Variants in NRCAM observed in about 807,000 individuals in gnomAD.
NRCAM encodes the protein NgCAM-related cell adhesion molecule.
In NRCAM, 83 loss-of-function variants were observed where a neutral mutation model predicts 156.5. That is an observed-to-expected ratio of 0.53 (90% confidence interval 0.44 to 0.64). The LOEUF is 0.64. Among genes scored for constraint, NRCAM ranks in the 30% least tolerant of loss-of-function variants. NRCAM has a pLI of 0.00. For synonymous variants in NRCAM, 538 were observed against 563.9 expected (o/e 0.95, Z 0.65); for missense variants, 1,417 against 1,597.3 (o/e 0.89, Z 1.92).
intron 28 of NRCAM, among the ~76,000 whole-genome samples, chr7:108,168,961 A>G (rs539213942): frequency 5.4e-4 from 83 of 152,332 alleles, no homozygotes; most frequent in African/African-American, 1.3e-3. Context: ...GACCCCAGGT[A>G]AGAAATCCCT....
intron 30 of NRCAM, among the ~76,000 whole-genome samples, chr7:108,162,733 C>A (rs1256102365): frequency 6.6e-6 from 1 of 152,216 alleles, no homozygotes; most frequent in African/African-American, 2.4e-5. Context: ...GAATATTTCA[C>A]TGCCCTATTA....
intron 11 of NRCAM, among the ~76,000 whole-genome samples, chr7:108,211,885 C>T (rs1307509727): frequency 1.3e-5 from 2 of 152,202 alleles, no homozygotes; most frequent in East Asian, 1.9e-4. Flanking sequence ...CCACCAGTTC[C>T]TCTCCATACT....
chr7:108,210,918 A>G (rs927218274), intron 11 of NRCAM, among the ~76,000 whole-genome samples: 21 of 152,320 alleles, frequency 1.4e-4, no homozygotes, highest in African/African-American at 5.1e-4. Context: ...CCCAGAAGGG[A>G]TCATCATGGC....
chr7:108,306,386 C>T (rs907237689), intron 3 of NRCAM, among the ~76,000 whole-genome samples: 2 of 152,126 alleles, frequency 1.3e-5, no homozygotes, highest in South Asian at 2.1e-4. Context: ...CTGAATAGCA[C>T]GGATGGTTTC....
At chr7:108,279,176 A>G (rs116592140) in intron 3 of NRCAM, among the ~76,000 whole-genome samples, 7,203 of 152,298 alleles carry the variant, frequency 0.047, 213 homozygotes, top group South Asian at 0.12. Flanking sequence ...TAAGTGTAGC[A>G]TGACTAAAAT....
In NRCAM at chr7:108,191,850, G is replaced by C. The variant is rs753141026; in HGVS notation, c.1782C>G (p.Phe594Leu). The C allele has an allele frequency of 5.0e-6, 8 of 1,613,320 alleles. No homozygotes were observed. The South Asian group carries it at 8.8e-5, about 18-fold the overall frequency. ...CCACTAGATGATCCTTGTCAACAGT[G>C]AACCTGTGGATAGAATGCATTCAGA... Reference protein sequence around the residue: ...DNRELPSDERFTVDKDHLVVA... With the variant: ...DNRELPSDERLTVDKDHLVVA... The change falls in exon 18 of 33, where the codon TTC becomes TTG. Residue 594 changes from phenylalanine to leucine, a missense_variant. This residue lies in a region of NRCAM where 1,238 missense variants were observed against 1,336.4 expected (regional missense o/e 0.93). Coordinates refer to ENST00000379028, the MANE Select transcript of NRCAM (RefSeq NM_001037132.4).
chr7:108,320,677 G>C (rs1464444686), intron 2 of NRCAM, among the ~76,000 whole-genome samples: 4 of 152,134 alleles, frequency 2.6e-5, no homozygotes. Context: ...AAGTGACAAA[G>C]GAAACTTAAC....
chr7:108,292,505 T>TAA (rs1364388938), intron 3 of NRCAM, among the ~76,000 whole-genome samples: 43 of 152,238 alleles, frequency 2.8e-4, no homozygotes, highest in Non-Finnish European at 5.4e-4. Flanking sequence ...AAGTTTGTGT[T>TAA]GTTAAATATG....
At chr7:108,392,024 A>C (rs978114164) in intron 2 of NRCAM, among the ~76,000 whole-genome samples, 11 of 151,968 alleles carry the variant, frequency 7.2e-5, no homozygotes, top group Non-Finnish European at 1.0e-4. Flanking sequence ...CTTCATTTCA[A>C]CTTTGGTGAA....
chr7:108,413,828 C>T (rs1031826272), intron 1 of NRCAM, among the ~76,000 whole-genome samples: 1 of 152,244 alleles, frequency 6.6e-6, no homozygotes, highest in African/African-American at 2.4e-5. Flanking sequence ...CCTCTCCACA[C>T]TGTTCCTCTG....
chr7:108,404,820 C>T (rs761884270), intron 1 of NRCAM, among the ~76,000 whole-genome samples: 2 of 152,242 alleles, frequency 1.3e-5, no homozygotes, highest in Non-Finnish European at 2.9e-5. Context: ...CCCTGCCACC[C>T]GAATGTGGAG....
At chr7:108,218,947 T>C (rs768464514) in intron 11 of NRCAM, among the ~76,000 whole-genome samples, 6 of 152,066 alleles carry the variant, frequency 3.9e-5, no homozygotes, top group Non-Finnish European at 7.4e-5. Flanking sequence ...ATAAATACAA[T>C]TGATAGACCA....
At chr7:108,237,916 G>T (rs746728996) in intron 4 of NRCAM, 147 bp from the exon 5 acceptor site, 31 of 480,024 alleles carry the variant, frequency 6.5e-5, no homozygotes, top group Non-Finnish European at 9.7e-5. Context: ...AGTGAAGGTT[G>T]AATTTGTGAA....
At chr7:108,281,126 T>G (rs539932083) in intron 3 of NRCAM, among the ~76,000 whole-genome samples, 5 of 152,186 alleles carry the variant, frequency 3.3e-5, no homozygotes, top group African/African-American at 1.2e-4. Context: ...TTTTTAAATA[T>G]CTAAAAAATT....
intron 1 of NRCAM, among the ~76,000 whole-genome samples, chr7:108,424,160 C>T (rs1208154757): frequency 6.6e-6 from 1 of 152,190 alleles, no homozygotes; most frequent in African/African-American, 2.4e-5. Flanking sequence ...AATCTTCAGG[C>T]CCCAATGTAG....
chr7:108,195,660 C>T, intron 15 of NRCAM, 101 bp downstream of exon 15: 1 of 658,658 alleles, frequency 1.5e-6, no homozygotes, highest in Non-Finnish European at 2.7e-6. Flanking sequence ...TTGTGTGGTG[C>T]CTTTCCCTGT....
chr7:108,389,864 A>C (rs556993139), intron 2 of NRCAM, among the ~76,000 whole-genome samples: 1 of 152,170 alleles, frequency 6.6e-6, no homozygotes, highest in South Asian at 2.1e-4. Flanking sequence ...ACGTTTATTG[A>C]TTTGTGTATG....
chr7:108,425,640 G>A (rs939815102), intron 1 of NRCAM, among the ~76,000 whole-genome samples: 10 of 152,034 alleles, frequency 6.6e-5, no homozygotes, highest in East Asian at 3.8e-4. Flanking sequence ...TTCATCCACC[G>A]AACAGATCCA....
chr7:108,285,487 A>T (rs2154103459), intron 3 of NRCAM, among the ~76,000 whole-genome samples: 1 of 152,344 alleles, frequency 6.6e-6, no homozygotes, highest in Non-Finnish European at 1.5e-5. Flanking sequence ...CTAAAGAGAA[A>T]CAACAGAATT....
Sources: gnomAD v4.1 joint callset for allele counts (sites outside exome capture counted in the v4.1 genomes callset) on GRCh38, gnomAD v4.1.1 for gene constraint, gnomAD v4.1.1 regional missense constraint, MANE v1.5 for transcripts, NCBI Gene and HGNC (gene_info 2026-07-23, HGNC 2026-07-21) for gene names.